Variants in OPA1 observed in about 807,000 individuals in gnomAD.
OPA1 encodes the protein OPA1 mitochondrial dynamin like GTPase, also known as dynamin-like GTPase OPA1, mitochondrial.
In OPA1, 59 loss-of-function variants were observed where a neutral mutation model predicts 152.9. The ratio of observed to expected loss-of-function variants is 0.39; its 90% confidence interval spans 0.31 to 0.48. The LOEUF is 0.48. Ranked by LOEUF, OPA1 falls within the 20% of genes least tolerant of loss-of-function variation. The pLI, the probability that OPA1 is intolerant of heterozygous loss-of-function variation, is 0.96. For synonymous variants in OPA1, 400 were observed against 389.9 expected (o/e 1.03, Z -0.31); for missense variants, 1,008 against 1,216.8 (o/e 0.83, Z 2.55).
intron 23 of OPA1, 46 bp downstream of exon 23, chr3:193,657,278 A>G: frequency 6.3e-7 from 1 of 1,583,292 alleles, no homozygotes; most frequent in Non-Finnish European, 8.7e-7. Context: ...TTTTTATATA[A>G]CTTCTCAAAT....
intron 1 of OPA1, among the ~76,000 whole-genome samples, chr3:193,598,550 T>C (rs1725962277): frequency 6.6e-6 from 1 of 152,174 alleles, no homozygotes. Context: ...AAGGCTCATG[T>C]AGGGTTTGTA....
chr3:193,659,501 C>T lies in OPA1; in HGVS notation c.2460C>T (p.Asn820=), dbSNP rs1329845494. ...TTCTAGCTGAAAATGCAATTGAAAACATGGTGGGTCCAGACTGGAAAAAGA... is the reference window on the plus strand; with the variant it reads ...TTCTAGCTGAAAATGCAATTGAAAATATGGTGGGTCCAGACTGGAAAAAGA... ...RLKDTENAIE[N]MVGPDWKKRW... The change falls in exon 25 of 31, where the codon AAC becomes AAT. Residue 820 remains asparagine (N), a synonymous_variant. Transcript: ENST00000361510. 1 of 1,610,852 alleles carries T rather than the reference C, an allele frequency of 6.2e-7. No homozygotes were observed. The highest frequency in any genetic ancestry group is 1.1e-5 in the South Asian group (1 of 90,672).
At chr3:193,647,899 A>T (rs1465000700) in intron 19 of OPA1, among the ~76,000 whole-genome samples, 171 bp from the exon 20 acceptor site, 1 of 152,196 alleles carries the variant, frequency 6.6e-6, no homozygotes, top group Non-Finnish European at 1.5e-5. Flanking sequence ...ATAGTTTTGA[A>T]AGCTATTGCA....
intron 6 of OPA1, among the ~76,000 whole-genome samples, chr3:193,621,338 A>C (rs1001704921): frequency 2.6e-5 from 4 of 152,250 alleles, no homozygotes; most frequent in Admixed American, 1.3e-4. Context: ...TGAGGGGAAC[A>C]CAGATAGTTT....
At position 193,657,152 on chromosome 3, in the gene OPA1, A is replaced by G. The variant is rs961676005; in HGVS notation, c.2251A>G (p.Ile751Val). Residue 751 changes from isoleucine to valine, a missense_variant, in exon 23 of 31, where the codon ATA becomes GTA. Ile to Val is a conservative substitution (Grantham distance 29). This residue lies in a region of OPA1 where 229 missense variants were observed against 269.0 expected (regional missense o/e 0.85). Coordinates refer to ENST00000361510, the MANE Select transcript of OPA1 (RefSeq NM_130837.3). ...ACCGAAAGGGAAAGAGCATGATGAC[A>G]TATTTGATAAACTTAAAGAGGCTGT... The part of the protein sequence containing the change: ...TEPKGKEHDD[I>V]FDKLKEAVKE... 6.8e-6 allele frequency: 11 copies of G among 1,613,852 alleles called. No individual in the cohort carries two copies. The highest frequency in any genetic ancestry group is 9.3e-6 in the Non-Finnish European group (11 of 1,179,916).
chr3:193,612,290 TA>T (rs1553870282), intron 1 of OPA1, among the ~76,000 whole-genome samples: 4 of 148,348 alleles, frequency 2.7e-5, no homozygotes, highest in Admixed American at 6.7e-5. Context: ...TTTTTTTTTT[TA>T]AATCATCTTC....
chr3:193,648,652 A>G (rs1711634178), intron 20 of OPA1, 143 bp from the exon 21 acceptor site: 3 of 623,756 alleles, frequency 4.8e-6, no homozygotes, highest in African/African-American at 3.7e-5. Flanking sequence ...AAAAAACACT[A>G]GAAGTGCATT....
At chr3:193,628,887 T>C (rs1364878256) in intron 7 of OPA1, among the ~76,000 whole-genome samples, 2 of 152,202 alleles carry the variant, frequency 1.3e-5, no homozygotes, top group East Asian at 3.8e-4. Context: ...TTAGGTCTAA[T>C]TTTTTACTTT....
intron 9 of OPA1, among the ~76,000 whole-genome samples, chr3:193,636,591 GT>G (rs1732986934): frequency 6.6e-6 from 1 of 151,760 alleles, no homozygotes; most frequent in African/African-American, 2.4e-5. Flanking sequence ...CATGAAGCTT[GT>G]TACACGCAAT....
intron 11 of OPA1, among the ~76,000 whole-genome samples, chr3:193,638,796 C>A (rs1459558212): frequency 6.6e-6 from 1 of 152,128 alleles, no homozygotes; most frequent in African/African-American, 2.4e-5. Flanking sequence ...CGTACCGCTA[C>A]TAAAAACAGA....
At chr3:193,599,528 T>C (rs144645431) in intron 1 of OPA1, among the ~76,000 whole-genome samples, 10 of 152,100 alleles carry the variant, frequency 6.6e-5, no homozygotes, top group African/African-American at 2.4e-4. Context: ...CCTGGGGCTC[T>C]GGAGGAAGTG....
chr3:193,685,501 A>G (rs1212986111), intron 29 of OPA1, among the ~76,000 whole-genome samples: 1 of 152,186 alleles, frequency 6.6e-6, no homozygotes, highest in Non-Finnish European at 1.5e-5. Context: ...TCACTCAACT[A>G]TGAATGCATG....
rs1313421147 is a variant in OPA1 at position 193,643,032 on chromosome 3, T to C, written c.1288T>C (p.Cys430Arg). ...LRMRKNVKEG[C>R]TVSPETISLN... Reference sequence around the variant, plus strand: ...AATGAGGAAAAATGTGAAAGAAGGCTGTACCGTTAGCCCTGAGGTAAGGGT... The same window carrying C: ...AATGAGGAAAAATGTGAAAGAAGGCCGTACCGTTAGCCCTGAGGTAAGGGT... Residue 430 changes from cysteine to arginine, a missense_variant, in exon 13 of 31, where the codon TGT becomes CGT. Around this residue, in one of 7 missense-constraint regions of OPA1, gnomAD observed 213 missense variants for 291.4 expected, o/e 0.73. Coordinates refer to ENST00000361510, the MANE Select transcript of OPA1 (RefSeq NM_130837.3). The C allele has an allele frequency of 1.9e-6, 3 of 1,613,428 alleles. No individual in the cohort carries two copies. In the East Asian group the frequency reaches 6.7e-5, roughly 36 times the overall value.
chr3:193,631,560 A>G (rs2108978937), intron 7 of OPA1, 52 bp from the exon 8 acceptor site: 4 of 1,350,828 alleles, frequency 3.0e-6, no homozygotes, highest in Non-Finnish European at 4.2e-6. Flanking sequence ...AACTTGCTGT[A>G]CATTCTGTAT....
chr3:193,651,326 A>T (rs1450611692), intron 21 of OPA1, among the ~76,000 whole-genome samples: 2 of 152,202 alleles, frequency 1.3e-5, no homozygotes, highest in African/African-American at 4.8e-5. Flanking sequence ...TCATGGCTTA[A>T]ACTTGGATAG....
At chr3:193,643,764 GTAAAT>G (rs1734130867) in intron 15 of OPA1, 137 bp downstream of exon 15, 1 of 924,448 alleles carries the variant, frequency 1.1e-6, no homozygotes, top group African/African-American at 1.7e-5. Context: ...CATTTTATTA[GTAAAT>G]TAAATTGAAG....
chr3:193,638,300 G>A (rs1487302956), intron 11 of OPA1, among the ~76,000 whole-genome samples: 1 of 152,100 alleles, frequency 6.6e-6, no homozygotes, highest in East Asian at 1.9e-4. Context: ...GGAGGCCTTT[G>A]GATTTTATTC....
intron 7 of OPA1, among the ~76,000 whole-genome samples, chr3:193,626,590 C>A (rs1345937097): frequency 6.6e-6 from 1 of 152,128 alleles, no homozygotes; most frequent in Non-Finnish European, 1.5e-5. Context: ...TGTAGATGAC[C>A]AGTTTACACT....
chr3:193,668,625 C>T (rs1717224322), intron 29 of OPA1: 1 of 1,528,392 alleles, frequency 6.5e-7, no homozygotes, highest in Non-Finnish European at 8.8e-7. Context: ...CACCAGGCCA[C>T]CCTCCTGCAC....
Sources: allele counts gnomAD v4.1 joint callset (sites outside exome capture counted in the v4.1 genomes callset), GRCh38; gene constraint gnomAD v4.1.1; regional missense constraint gnomAD v4.1.1; transcripts MANE v1.5; gene names NCBI Gene and HGNC (gene_info 2026-07-23, HGNC 2026-07-21).